The following ART4 variants were observed in gnomAD, a reference collection of about 807,000 sequenced individuals.
ART4 encodes ADP-ribosyltransferase 4 (inactive) (Dombrock blood group).
ART4 carries 14 observed loss-of-function variants against 24.2 expected under a neutral mutation model. That is an observed-to-expected ratio of 0.58 (90% CI 0.38 to 0.90). The LOEUF (loss-of-function observed/expected upper bound fraction) is 0.90. ART4 is among the 40% of genes least tolerant of loss of function. ART4 has a pLI of 0.00. For missense variants in ART4, 356 were observed against 366.6 expected, an observed-to-expected ratio of 0.97 and a Z score of 0.24; for synonymous variants, 145 against 139.9, an observed-to-expected ratio of 1.04 and a Z score of -0.26.
rs1414636221 is a variant in ART4 at position 14,829,461 on chromosome 12, A to G, written c.855T>C (p.Ala285=). The change falls in exon 3 of 3, where the codon GCT becomes GCC. Residue 285 remains alanine (A), a splice_region_variant and synonymous_variant. Coordinates refer to ENST00000228936, the MANE Select transcript of ART4 (RefSeq NM_021071.4). Reference sequence around the variant, plus strand: ...GATCAGGGATGCATTTCTTGCTGGAAGCTGTAAAAAACAAAACAAAGGAAA... The same window carrying G: ...GATCAGGGATGCATTTCTTGCTGGAGGCTGTAAAAAACAAAACAAAGGAAA... The part of the protein sequence containing the change: ...LSTYNCQLLK[A]SSKKCIPDPI... 6.2e-7 allele frequency: 1 copy of G among 1,605,020 alleles called. No individual in the cohort carries two copies. Among genetic ancestry groups the G allele is most frequent in the Non-Finnish European group, 8.5e-7 (1 of 1,176,814 alleles).
At position 14,830,671 on chromosome 12, in the gene ART4, A is replaced by G. The variant is rs1322699074; in HGVS notation, c.854-1209T>C. ...TATGTATATATATATATATATATAT[A>G]TATATATATATATATATATATATAT... On this transcript the variant is annotated intron_variant, in intron 2 of 2. Transcript: ENST00000228936. Among the ~76,000 whole-genome samples the G allele has an allele frequency of 5.1e-3, 526 of 102,562 alleles. 9 individuals carry two copies. The highest frequency in any genetic ancestry group is 9.0e-3 in the Non-Finnish European group (446 of 49,498). 67.3% of individuals were successfully genotyped at this position (102,562 alleles called of 152,430 possible). A position where few individuals can be genotyped will look rare whatever the true frequency, so the allele number is the denominator to read the frequency against.
intron 2 of ART4, among the ~76,000 whole-genome samples, chr12:14,836,570 C>A (rs1565429647): frequency 6.6e-6 from 1 of 152,140 alleles, no homozygotes; most frequent in Admixed American, 6.5e-5. Context: ...AAAGCAAAAC[C>A]ATAGGTAAGG....
chr12:14,839,231 T>C (rs1489638543), intron 2 of ART4, among the ~76,000 whole-genome samples: 1 of 152,148 alleles, frequency 6.6e-6, no homozygotes, highest in Non-Finnish European at 1.5e-5. Flanking sequence ...TTCTCCTACC[T>C]GGATAAATCC....
intron 2 of ART4, among the ~76,000 whole-genome samples, chr12:14,840,030 C>T (rs547154229): frequency 1.2e-4 from 18 of 152,252 alleles, no homozygotes; most frequent in Non-Finnish European, 1.2e-4. Flanking sequence ...CCAGGGCCCC[C>T]ATCACAATAG....
intron 2 of ART4, among the ~76,000 whole-genome samples, chr12:14,832,452 C>G (rs1462060369): frequency 6.6e-6 from 1 of 152,158 alleles, no homozygotes; most frequent in African/African-American, 2.4e-5. Context: ...TATTGCCACT[C>G]CTTCCCATAG....
Position 14,843,065 on chromosome 12 carries a change from C to T in ART4, c.49G>A (p.Val17Ile), listed in dbSNP as rs762849941. The T allele has an allele frequency of 1.2e-6, 2 of 1,614,162 alleles. No individual in the cohort carries two copies. Among genetic ancestry groups the T allele is most frequent in the Non-Finnish European group, 1.7e-6 (2 of 1,180,006 alleles). Residue 17 changes from valine (V) to isoleucine (I), a missense_variant, in exon 1 of 3, where the codon GTA (valine) becomes ATA (isoleucine). By Grantham distance (29) the Val-to-Ile change is conservative. Coordinates refer to ENST00000228936, the MANE Select transcript of ART4 (RefSeq NM_021071.4). Reference sequence around the variant, plus strand: ...CAGATTCTCATCGTTGCAGGAGGTACAGTAGTTGGGAGAAGAATCTTCTTG... The same window carrying T: ...CAGATTCTCATCGTTGCAGGAGGTATAGTAGTTGGGAGAAGAATCTTCTTG... ...RCKKILLPTTVPPATMRIWLL... is the reference protein window; with the variant it reads ...RCKKILLPTTIPPATMRIWLL...
intron 2 of ART4, among the ~76,000 whole-genome samples, chr12:14,834,934 A>C (rs1950419612): frequency 6.6e-6 from 1 of 152,258 alleles, no homozygotes; most frequent in Admixed American, 6.5e-5. Context: ...GAAACTCTTT[A>C]AACTTGAGTT....
At chr12:14,829,583 G>A in intron 2 of ART4, 121 bp from the exon 3 acceptor site, 1 of 687,552 alleles carries the variant, frequency 1.5e-6, no homozygotes, top group South Asian at 2.0e-5. Context: ...TTTGAAGTTA[G>A]CTACTTAAAA....
At chr12:14,839,010 A>G (rs1256694026) in intron 2 of ART4, among the ~76,000 whole-genome samples, 1 of 152,086 alleles carries the variant, frequency 6.6e-6, no homozygotes, top group Non-Finnish European at 1.5e-5. Context: ...TTTTTCTTAA[A>G]AAAAGTTTAA....
At chr12:14,834,231 A>G (rs1007410963) in intron 2 of ART4, among the ~76,000 whole-genome samples, 1 of 152,238 alleles carries the variant, frequency 6.6e-6, no homozygotes, top group East Asian at 1.9e-4. Context: ...GATTTATTCA[A>G]TGACTCATTC....
intron 2 of ART4, among the ~76,000 whole-genome samples, chr12:14,830,547 G>A (rs868557375): frequency 0.056 from 7,531 of 134,284 alleles, 369 homozygotes; most frequent in Middle Eastern, 0.11. Context: ...GTGTGTGTGT[G>A]TGTGTGTGTG....
chr12:14,836,390 G>A (rs928518260), intron 2 of ART4, among the ~76,000 whole-genome samples: 1 of 151,936 alleles, frequency 6.6e-6, no homozygotes, highest in Non-Finnish European at 1.5e-5. Context: ...TCTGATAACC[G>A]AGAGGGCTAC....
chr12:14,838,274 G>A (rs1246914570), intron 2 of ART4, among the ~76,000 whole-genome samples: 1 of 152,206 alleles, frequency 6.6e-6, no homozygotes, highest in African/African-American at 2.4e-5. Flanking sequence ...GGTTTATAGA[G>A]TGGCAGAATG....
At position 14,828,372 on chromosome 12, in the gene ART4, C is replaced by T. The variant is rs1328078990; in HGVS notation, c.*999G>A. Reference sequence around the variant, plus strand: ...AATGTCTTAGGAACATGCATGAACACCCATTACTGCTGGTGAATGAAATTT... The same window carrying T: ...AATGTCTTAGGAACATGCATGAACATCCATTACTGCTGGTGAATGAAATTT... On this transcript the variant is annotated 3_prime_UTR_variant, in exon 3 of 3. Coordinates refer to ENST00000228936, the MANE Select transcript of ART4 (RefSeq NM_021071.4). 1 of 152,160 alleles carries T rather than the reference C, an allele frequency of 6.6e-6. No homozygotes were observed. The highest frequency in any genetic ancestry group is 2.4e-5 in the African/African-American group (1 of 41,432). 9.4% of individuals were successfully genotyped at this position (152,160 alleles called of 1,614,324 possible).
intron 2 of ART4, among the ~76,000 whole-genome samples, chr12:14,833,459 A>G (rs1313941954): frequency 6.6e-6 from 1 of 152,216 alleles, no homozygotes; most frequent in East Asian, 1.9e-4. Flanking sequence ...AACTATGAAT[A>G]ATTTTACGCA....
intron 2 of ART4, among the ~76,000 whole-genome samples, chr12:14,830,198 G>C (rs1478082639): frequency 1.3e-5 from 2 of 149,676 alleles, no homozygotes. Flanking sequence ...TGTGGGACAG[G>C]TTAGCAGCCA....
chr12:14,840,439 G>T lies in ART4; in HGVS notation c.853+6C>A, dbSNP rs375025612. The T allele has an allele frequency of 4.4e-6, 7 of 1,591,476 alleles. No individual in the cohort carries two copies. Among genetic ancestry groups the T allele is most frequent in the Non-Finnish European group, 6.0e-6 (7 of 1,171,568 alleles). On this transcript the variant is annotated splice_donor_region_variant and intron_variant, in intron 2 of 2. Transcript: ENST00000228936. Reference sequence around the variant, plus strand: ...CCTGAGTGGCCTCAATTTAGATAAAGAATACCTTTTAGCAGCTGACAGTTA... The same window carrying T: ...CCTGAGTGGCCTCAATTTAGATAAATAATACCTTTTAGCAGCTGACAGTTA...
At chr12:14,830,119 A>AGTGAGTGT (rs1950384408) in intron 2 of ART4, among the ~76,000 whole-genome samples, 1 of 145,620 alleles carries the variant, frequency 6.9e-6, no homozygotes, top group Non-Finnish European at 1.5e-5. Context: ...TCCTGTTTGG[A>AGTGAGTGT]GTGTGTGTGT....
intron 2 of ART4, among the ~76,000 whole-genome samples, chr12:14,837,920 A>G (rs1336032740): frequency 2.0e-5 from 3 of 152,202 alleles, no homozygotes; most frequent in African/African-American, 7.2e-5. Context: ...CCAAGAACAC[A>G]TAGCTATTAA....
Sources: gnomAD v4.1 joint callset for allele counts (sites outside exome capture counted in the v4.1 genomes callset) on GRCh38, gnomAD v4.1.1 for gene constraint, MANE v1.5 for transcripts, NCBI Gene and HGNC (gene_info 2026-07-23, HGNC 2026-07-21) for gene names.